STIM1: variants seen among roughly 807,000 people sequenced by gnomAD.
STIM1 encodes stromal interaction molecule 1.
Under a neutral mutation model 74.7 loss-of-function variants are expected in STIM1, and 25 were observed. The ratio of observed to expected loss-of-function variants is 0.33; its 90% CI spans 0.24 to 0.47. The LOEUF (loss-of-function observed/expected upper bound fraction) is 0.47, where lower values mean the gene tolerates loss of function less well. Ranked by LOEUF, STIM1 falls within the 20% of genes least tolerant of loss-of-function variation. STIM1 has a pLI of 1.00. For synonymous variants in STIM1, 328 were observed against 348.8 expected, an observed-to-expected ratio of 0.94 and a Z score of 0.66; for missense variants, 728 against 920.8, an observed-to-expected ratio of 0.79 and a Z score of 2.71.
At chr11:4,035,769 T>G (rs894585236) in intron 3 of STIM1, among the ~76,000 whole-genome samples, 1 of 152,100 alleles carries the variant, frequency 6.6e-6, no homozygotes, top group Non-Finnish European at 1.5e-5. Flanking sequence ...TCTATCTTGT[T>G]AAATATCCCA....
At chr11:3,916,617 A>G (rs2092647985) in intron 1 of STIM1, among the ~76,000 whole-genome samples, 1 of 151,852 alleles carries the variant, frequency 6.6e-6, no homozygotes, top group African/African-American at 2.4e-5. Flanking sequence ...ACACCCAGCT[A>G]ATTTTTGTAT....
intron 3 of STIM1, among the ~76,000 whole-genome samples, chr11:4,027,570 T>A (rs2094008404): frequency 6.6e-6 from 1 of 152,172 alleles, no homozygotes; most frequent in South Asian, 2.1e-4. Flanking sequence ...CACCTCGGCC[T>A]CCCAAAGTGC....
At chr11:3,917,732 C>G (rs1410948421) in intron 1 of STIM1, among the ~76,000 whole-genome samples, 1 of 152,062 alleles carries the variant, frequency 6.6e-6, no homozygotes, top group Non-Finnish European at 1.5e-5. Context: ...CCGTACCCAG[C>G]CTTGTTTTGT....
In STIM1 at chr11:4,092,265, C is replaced by A; in HGVS notation, c.*467C>A. The A allele has an allele frequency of 4.2e-6, 1 of 236,956 alleles. No individual in the cohort carries two copies. The highest frequency in any genetic ancestry group is 8.4e-6 in the Non-Finnish European group (1 of 118,686). 14.7% of individuals were successfully genotyped at this position (236,956 alleles called of 1,614,324 possible). On this transcript the variant is annotated 3_prime_UTR_variant, in exon 13 of 13. Coordinates refer to ENST00000526596, the MANE Select transcript of STIM1 (RefSeq NM_001382567.1). ...TGTGCCTCAGATCTGTTCCACCCCACTCACAGTGGTTCTGTTTGCTCCAGA... is the reference window on the plus strand; with the variant it reads ...TGTGCCTCAGATCTGTTCCACCCCAATCACAGTGGTTCTGTTTGCTCCAGA...
At chr11:3,945,459 C>T (rs1590590373) in intron 1 of STIM1, among the ~76,000 whole-genome samples, 3 of 151,894 alleles carry the variant, frequency 2.0e-5, no homozygotes, top group African/African-American at 7.3e-5. Flanking sequence ...ATTAGCTGGA[C>T]ATGGTGGTGC....
intron 1 of STIM1, among the ~76,000 whole-genome samples, chr11:3,924,690 G>T (rs780972064): frequency 4.6e-5 from 7 of 152,124 alleles, no homozygotes; most frequent in East Asian, 1.9e-4. Flanking sequence ...ATTCAGGAAA[G>T]AATTTCATGT....
At chr11:3,968,633 G>A (rs554770239) in intron 2 of STIM1, among the ~76,000 whole-genome samples, 12 of 152,326 alleles carry the variant, frequency 7.9e-5, no homozygotes, top group African/African-American at 2.6e-4. Flanking sequence ...GCTAGGCATG[G>A]AGATGGGACT....
chr11:3,871,017 C>T (rs1463557038), intron 1 of STIM1, among the ~76,000 whole-genome samples: 1 of 151,732 alleles, frequency 6.6e-6, no homozygotes, highest in Non-Finnish European at 1.5e-5. Flanking sequence ...GGATTACAGG[C>T]GCCTGCCACC....
chr11:3,956,672 A>G (rs1190575596), intron 1 of STIM1, among the ~76,000 whole-genome samples: 1 of 152,056 alleles, frequency 6.6e-6, no homozygotes, highest in Non-Finnish European at 1.5e-5. Flanking sequence ...GAATTTATGT[A>G]GAAGTCTGGG....
At chr11:3,855,129 G>A (rs1293226305), upstream of STIM1, 1 of 152,322 alleles carries the variant, frequency 6.6e-6, no homozygotes, top group Non-Finnish European at 1.5e-5. Flanking sequence ...GTTGTCAGGC[G>A]AGGCGCGAGG....
intron 1 of STIM1, among the ~76,000 whole-genome samples, chr11:3,888,577 G>A (rs574092054): frequency 6.6e-6 from 1 of 151,954 alleles, no homozygotes; most frequent in Admixed American, 6.6e-5. Flanking sequence ...TCCCTCTGTT[G>A]CCCAGGCTAG....
At chr11:3,856,590 G>A (rs2090380063) in intron 1 of STIM1, among the ~76,000 whole-genome samples, 181 bp downstream of exon 1, 1 of 152,228 alleles carries the variant, frequency 6.6e-6, no homozygotes, top group Non-Finnish European at 1.5e-5. Context: ...GCAAATGCCT[G>A]TATCTTTCCT....
At chr11:3,893,411 G>A (rs1245148256) in intron 1 of STIM1, among the ~76,000 whole-genome samples, 1 of 152,152 alleles carries the variant, frequency 6.6e-6, no homozygotes, top group East Asian at 1.9e-4. Flanking sequence ...TACAAGTTTT[G>A]TGTGAACACT....
At chr11:3,983,110 T>A (rs773458736) in intron 2 of STIM1, among the ~76,000 whole-genome samples, 7 of 152,046 alleles carry the variant, frequency 4.6e-5, no homozygotes, top group Admixed American at 1.3e-4. Context: ...GTTTTTGTGT[T>A]TTTAGTAGAG....
chr11:4,017,284 A>G (rs1181353212), intron 2 of STIM1, among the ~76,000 whole-genome samples: 1 of 152,178 alleles, frequency 6.6e-6, no homozygotes, highest in African/African-American at 2.4e-5. Flanking sequence ...AAGAGGTCCC[A>G]TTCAGCATAA....
At chr11:3,998,461 C>T (rs992472014) in intron 2 of STIM1, among the ~76,000 whole-genome samples, 1 of 152,182 alleles carries the variant, frequency 6.6e-6, no homozygotes, top group African/African-American at 2.4e-5. Flanking sequence ...GCTAAGCTCT[C>T]TGCTACATGT....
At chr11:4,049,751 C>CAT (rs2094224635) in intron 3 of STIM1, 3 of 148,754 alleles carry the variant, frequency 2.0e-5, no homozygotes, top group African/African-American at 7.3e-5. Context: ...CACACACACA[C>CAT]ACACACACAC....
At chr11:4,058,218 C>T (rs2959066) in intron 4 of STIM1, among the ~76,000 whole-genome samples, 63,924 of 151,988 alleles carry the variant, frequency 0.42, 15,536 homozygotes, top group Non-Finnish European at 0.55. Context: ...CTGAGGTCCT[C>T]GGGGAGGAAC....
chr11:4,009,976 C>T (rs1274532974), intron 2 of STIM1, among the ~76,000 whole-genome samples: 1 of 152,032 alleles, frequency 6.6e-6, no homozygotes, highest in South Asian at 2.1e-4. Flanking sequence ...CCACATGTAG[C>T]TAATTTTAAA....
Sources: allele counts gnomAD v4.1 joint callset (sites outside exome capture counted in the v4.1 genomes callset), GRCh38; gene constraint gnomAD v4.1.1; transcripts MANE v1.5; gene names NCBI Gene and HGNC (gene_info 2026-07-23, HGNC 2026-07-21).